The following ASPH variants were observed in gnomAD, a reference collection of about 807,000 sequenced individuals.
The protein encoded by ASPH is aspartyl/asparaginyl beta-hydroxylase.
Under a neutral mutation model 118.4 loss-of-function variants are expected in ASPH, and 100 were observed. The observed-to-expected ratio is 0.84, with a 90% CI of 0.72 to 1.00. The LOEUF (loss-of-function observed/expected upper bound fraction) is 1.00, where lower values mean the gene tolerates loss of function less well. Among genes scored for constraint, ASPH ranks in the 50% least tolerant of loss-of-function variants. ASPH has a pLI of 0.00. For synonymous variants in ASPH, 315 were observed against 325.6 expected, an observed-to-expected ratio of 0.97 and a Z score of 0.35; for missense variants, 920 against 919.5, an observed-to-expected ratio of 1.00 and a Z score of -0.01.
At chr8:61,524,501 T>C (rs977914197) in intron 22 of ASPH, among the ~76,000 whole-genome samples, 1 of 152,132 alleles carries the variant, frequency 6.6e-6, no homozygotes. Flanking sequence ...TTCTATCACA[T>C]GTAAGAAAGA....
At chr8:61,701,433 T>C (rs912511470) in intron 1 of ASPH, among the ~76,000 whole-genome samples, 1 of 152,248 alleles carries the variant, frequency 6.6e-6, no homozygotes, top group Admixed American at 6.5e-5. Context: ...TTAGCTTGGG[T>C]ACTTATTAAC....
chr8:61,549,628 T>A lies in ASPH; in HGVS notation c.1627-1420A>T, dbSNP rs192197949. On this transcript the variant is annotated intron_variant, in intron 20 of 24. Transcript: ENST00000379454. Reference sequence around the variant, plus strand: ...ATGGCTAATTGTTATCTAATTTTTTTAAAAAATAGCATATATCTCTGAAAT... The same window carrying A: ...ATGGCTAATTGTTATCTAATTTTTTAAAAAAATAGCATATATCTCTGAAAT... Among the ~76,000 whole-genome samples the A allele has an allele frequency of 5.5e-4, 84 of 152,292 alleles. 1 individual carries two copies. Among genetic ancestry groups the A allele is most frequent in the African/African-American group, 1.8e-3 (73 of 41,566 alleles).
chr8:61,512,574 T>C (rs1809314694), intron 24 of ASPH, among the ~76,000 whole-genome samples: 1 of 152,218 alleles, frequency 6.6e-6, no homozygotes, highest in Non-Finnish European at 1.5e-5. Context: ...AATACATTTC[T>C]GTTGTTGTAA....
At chr8:61,533,657 TA>T in intron 21 of ASPH, among the ~76,000 whole-genome samples, 1 of 152,174 alleles carries the variant, frequency 6.6e-6, no homozygotes, top group Non-Finnish European at 1.5e-5. Context: ...TCAGCGTAGA[TA>T]AGTCTATTCT....
chr8:61,673,947 A>G (rs1461799047), intron 3 of ASPH, among the ~76,000 whole-genome samples: 1 of 152,240 alleles, frequency 6.6e-6, no homozygotes, highest in Admixed American at 6.5e-5. Flanking sequence ...GTGGTACAAA[A>G]TAAGTAGCAA....
In ASPH at chr8:61,617,196, T is replaced by A. The variant is rs562398190; in HGVS notation, c.976+1782A>T. 2.0e-5 allele frequency among the ~76,000 whole-genome samples: 3 copies of A among 151,548 alleles called. No individual in the cohort carries two copies. In the South Asian group the frequency reaches 6.3e-4, roughly 32 times the overall value. On this transcript the variant is annotated intron_variant, in intron 14 of 24. Coordinates refer to ENST00000379454, the MANE Select transcript of ASPH (RefSeq NM_004318.4). The stretch of plus-strand genomic sequence containing the variant: ...AGATTAGATGAGATCATTAAGAGAG[T>A]GCGTGTATATGGGGAAATGCTCCGA...
At chr8:61,708,133 T>C (rs1400539412) in intron 1 of ASPH, among the ~76,000 whole-genome samples, 1 of 152,206 alleles carries the variant, frequency 6.6e-6, no homozygotes, top group Non-Finnish European at 1.5e-5. Flanking sequence ...ATATGGTCAG[T>C]ACATGGGCAT....
At chr8:61,631,373 G>T (rs1295742269) in intron 13 of ASPH, among the ~76,000 whole-genome samples, 1 of 152,030 alleles carries the variant, frequency 6.6e-6, no homozygotes, top group Non-Finnish European at 1.5e-5. Context: ...GCCCTATACA[G>T]GTATATCTTT....
chr8:61,514,719 C>T (rs1237619163), intron 24 of ASPH, among the ~76,000 whole-genome samples: 1 of 151,898 alleles, frequency 6.6e-6, no homozygotes, highest in Non-Finnish European at 1.5e-5. Context: ...AAAAACAAAA[C>T]AAAACAAAAA....
At chr8:61,702,719 T>C (rs1054245702) in intron 1 of ASPH, among the ~76,000 whole-genome samples, 2 of 152,238 alleles carry the variant, frequency 1.3e-5, no homozygotes, top group African/African-American at 4.8e-5. Context: ...GTTTTACTCA[T>C]GGATCTATTA....
intron 3 of ASPH, among the ~76,000 whole-genome samples, chr8:61,655,363 G>C (rs754816128): frequency 1.6e-4 from 25 of 152,156 alleles, no homozygotes; most frequent in Non-Finnish European, 3.4e-4. Context: ...AGTGTCATAA[G>C]TCTAGTTTGC....
At chr8:61,654,100 T>C (rs1419647878) in intron 3 of ASPH, among the ~76,000 whole-genome samples, 4 of 152,174 alleles carry the variant, frequency 2.6e-5, no homozygotes, top group Non-Finnish European at 5.9e-5. Context: ...TTTATTCTAC[T>C]TGAAAAACAG....
rs769277402 is a variant in ASPH, at chr8:61,503,480, A to G, written c.2156T>C (p.Phe719Ser). ...TACCTCGTGCTCAAAGGAGTCATCA[A>G]AGATGAGCACCTTGCCTTCCTCCCA... is the stretch of plus-strand genomic sequence containing the variant. ...KTWEEGKVLI[F>S]DDSFEHEVWQ... is the part of the protein sequence containing the mutation. Residue 719 changes from phenylalanine to serine, a missense_variant, in exon 25 of 25, where the codon TTT becomes TCT. By Grantham distance (155) the Phe-to-Ser change is radical. Coordinates refer to ENST00000379454, the MANE Select transcript of ASPH (RefSeq NM_004318.4). 1 of 1,612,642 alleles carries G rather than the reference A, an allele frequency of 6.2e-7. No individual in the cohort carries two copies. The highest frequency in any genetic ancestry group is 8.5e-7 in the Non-Finnish European group (1 of 1,179,364).
At chr8:61,624,582 A>G in intron 13 of ASPH, 1 of 983,484 alleles carries the variant, frequency 1.0e-6, no homozygotes, top group Non-Finnish European at 1.2e-6. Flanking sequence ...AATAGAAGAC[A>G]TTTACATTAT....
intron 21 of ASPH, 65 bp downstream of exon 21, chr8:61,548,006 A>G: frequency 4.0e-6 from 6 of 1,489,786 alleles, no homozygotes; most frequent in Non-Finnish European, 5.4e-6. Flanking sequence ...TATGATAAAC[A>G]TTTTCTGATT....
chr8:61,593,147 C>T (rs1269863272), intron 14 of ASPH, among the ~76,000 whole-genome samples: 2 of 152,182 alleles, frequency 1.3e-5, no homozygotes, highest in African/African-American at 2.4e-5. Flanking sequence ...GAGAGACATG[C>T]TATTTGCTGT....
intron 13 of ASPH, among the ~76,000 whole-genome samples, chr8:61,629,260 C>G (rs957311291): frequency 2.6e-5 from 4 of 152,158 alleles, no homozygotes; most frequent in Non-Finnish European, 4.4e-5. Context: ...AAATTCTTTT[C>G]TGGCAGGGTA....
intron 15 of ASPH, chr8:61,583,610 G>A (rs1207825037): frequency 1.1e-5 from 2 of 181,972 alleles, no homozygotes; most frequent in Non-Finnish European, 2.3e-5. Context: ...TTAGGAGGTA[G>A]AAAGAATATT....
At chr8:61,536,871 C>T (rs1463732973) in intron 21 of ASPH, among the ~76,000 whole-genome samples, 2 of 152,160 alleles carry the variant, frequency 1.3e-5, no homozygotes, top group African/African-American at 4.8e-5. Flanking sequence ...TCTATTTTTA[C>T]ATATAGTCTG....
Sources: allele counts gnomAD v4.1 joint callset (sites outside exome capture counted in the v4.1 genomes callset), GRCh38; gene constraint gnomAD v4.1.1; transcripts MANE v1.5; gene names NCBI Gene and HGNC (gene_info 2026-07-23, HGNC 2026-07-21).